The following SPTB variants were observed in gnomAD, a reference collection of about 807,000 sequenced individuals.
SPTB encodes spectrin beta, erythrocytic.
SPTB carries 45 observed loss-of-function variants against 256.2 expected under a neutral mutation model. The ratio of observed to expected loss-of-function variants is 0.18; its 90% CI spans 0.14 to 0.23. The LOEUF is 0.23. Among genes scored for constraint, SPTB ranks in the 10% least tolerant of loss-of-function variants. SPTB has a pLI of 1.00. For synonymous variants in SPTB, 1,231 were observed against 1,243.1 expected (o/e 0.99, Z 0.21); for missense variants, 2,715 against 3,040.4 (o/e 0.89, Z 2.52).
chr14:64,837,635 CT>C (rs2083545242), intron 1 of SPTB, among the ~76,000 whole-genome samples: 1 of 152,096 alleles, frequency 6.6e-6, no homozygotes, highest in Admixed American at 6.6e-5. Context: ...GAGTTTTGCT[CT>C]TGTTGCCCAG....
rs568506678 is a variant in SPTB at position 64,844,343 on chromosome 14, C to A, written c.-51-21198G>T. On this transcript the variant is annotated intron_variant, in intron 1 of 35. Transcript: ENST00000644917. This position sits in a 1 kb window ranked among gnomAD's most constrained non-coding sequence, Gnocchi z 4.1. ...ACACAATAGGAATTTATATCCCCAA[C>A]AACAGACATTTGTAGAATACCATCA... is the stretch of plus-strand genomic sequence containing the variant. Among the ~76,000 whole-genome samples, 27 of 152,346 alleles carry A rather than the reference C, an allele frequency of 1.8e-4. No homozygotes were observed. The South Asian group carries it at 5.2e-3, about 29-fold the overall frequency.
intron 32 of SPTB, among the ~76,000 whole-genome samples, chr14:64,763,274 AG>A (rs1423032856): frequency 6.6e-6 from 1 of 152,216 alleles, no homozygotes; most frequent in Non-Finnish European, 1.5e-5. Context: ...AGTCTGGAGC[AG>A]GTCTGCCTGC....
At chr14:64,814,687 T>C (rs2083156815) in intron 2 of SPTB, among the ~76,000 whole-genome samples, 1 of 151,998 alleles carries the variant, frequency 6.6e-6, no homozygotes, top group Non-Finnish European at 1.5e-5. Flanking sequence ...AGCTAATTTT[T>C]TGTATTTTTA....
At chr14:64,768,967 C>A (rs2082235199) in intron 29 of SPTB, 67 bp downstream of exon 29, 3 of 1,297,978 alleles carry the variant, frequency 2.3e-6, no homozygotes, top group Non-Finnish European at 3.3e-6. Context: ...ATTGTGGCAC[C>A]TCCCCATTCC....
Position 64,765,805 on chromosome 14 carries a change from GGT to G in SPTB, c.6345+919_6345+920del, listed in dbSNP as rs71444677. Among the ~76,000 whole-genome samples the G allele has an allele frequency of 1.4e-4, 21 of 149,012 alleles. 1 individual carries two copies. The highest frequency in any genetic ancestry group is 4.3e-4 in the South Asian group (2 of 4,630). ...TGGGATGGGACAGCTGAGTGATTGG[GGT>G]GTGTGTGTGTGTGAGTGTGTGTGTG... On this transcript the variant is annotated intron_variant, in intron 32 of 35. Coordinates refer to ENST00000644917, the MANE Select transcript of SPTB (RefSeq NM_001355436.2).
rs1006821867 is a variant in SPTB, at chr14:64,790,392, T to C, written c.2804+1327A>G. ...AGACCTGCTCTAGTTTCCTCAATTATGCAGCAATTGCAATAATCTCTACCA... is the reference window on the plus strand; with the variant it reads ...AGACCTGCTCTAGTTTCCTCAATTACGCAGCAATTGCAATAATCTCTACCA... On this transcript the variant is annotated intron_variant, in intron 15 of 35. Transcript: ENST00000644917. This position sits in a 1 kb window ranked among gnomAD's most constrained non-coding sequence, Gnocchi z 4.8. Among the ~76,000 whole-genome samples, 6 of 152,186 alleles carry C rather than the reference T, an allele frequency of 3.9e-5. No homozygotes were observed. The highest frequency in any genetic ancestry group is 6.5e-5 in the Admixed American group (1 of 15,280).
chr14:64,839,244 G>A (rs1275337233), intron 1 of SPTB, among the ~76,000 whole-genome samples: 1 of 152,210 alleles, frequency 6.6e-6, no homozygotes, highest in East Asian at 1.9e-4. Flanking sequence ...CTACTACTCA[G>A]TGGTAAAAAG....
intron 20 of SPTB, among the ~76,000 whole-genome samples, chr14:64,780,829 A>G (rs1292147892): frequency 2.6e-5 from 4 of 152,268 alleles, no homozygotes; most frequent in African/African-American, 7.2e-5. Context: ...AGATTATACT[A>G]CAAGGCTACA....
intron 20 of SPTB, 92 bp downstream of exon 20, chr14:64,782,198 C>G (rs1462869391): frequency 6.3e-7 from 1 of 1,577,756 alleles, no homozygotes; most frequent in African/African-American, 1.3e-5. Flanking sequence ...TTCACATGTA[C>G]CCCCAAACCT....
intron 2 of SPTB, among the ~76,000 whole-genome samples, chr14:64,810,919 T>C (rs781677736): frequency 7.2e-5 from 11 of 152,136 alleles, no homozygotes; most frequent in Non-Finnish European, 1.5e-4. Flanking sequence ...AGTTTGAGAC[T>C]AGCCTGGCAA....
intron 3 of SPTB, 42 bp downstream of exon 3, chr14:64,804,897 G>A: frequency 6.2e-7 from 1 of 1,612,524 alleles, no homozygotes; most frequent in Non-Finnish European, 8.5e-7. Flanking sequence ...GCTGAAGAGG[G>A]GCCGATGGCA....
At chr14:64,829,816 C>T (rs1177480478) in intron 1 of SPTB, among the ~76,000 whole-genome samples, 2 of 152,180 alleles carry the variant, frequency 1.3e-5, no homozygotes, top group African/African-American at 4.8e-5. Flanking sequence ...CAACCCCTTC[C>T]CATGGTCCTA....
chr14:64,767,443 C>A (rs1173786860), intron 30 of SPTB, 91 bp from the exon 31 acceptor site: 10 of 1,547,936 alleles, frequency 6.5e-6, no homozygotes, highest in Middle Eastern at 1.7e-4. Flanking sequence ...CCTGCACCCC[C>A]ACATGCCCTG....
At chr14:64,868,257 A>G (rs1882313171) in intron 1 of SPTB, among the ~76,000 whole-genome samples, 1 of 152,244 alleles carries the variant, frequency 6.6e-6, no homozygotes, top group African/African-American at 2.4e-5. Flanking sequence ...AAATTAAAAG[A>G]AAGAAACTAA....
At chr14:64,829,367 G>C (rs2083416204) in intron 1 of SPTB, among the ~76,000 whole-genome samples, 1 of 152,170 alleles carries the variant, frequency 6.6e-6, no homozygotes, top group Non-Finnish European at 1.5e-5. Flanking sequence ...AATCAAGAGA[G>C]ACTCAGGAGA....
At chr14:64,838,762 T>G (rs2083562503) in intron 1 of SPTB, among the ~76,000 whole-genome samples, 1 of 152,094 alleles carries the variant, frequency 6.6e-6, no homozygotes, top group South Asian at 2.1e-4. Context: ...ACATACCATA[T>G]TTACCATATG....
At chr14:64,872,464 G>T (rs1882586712) in intron 1 of SPTB, among the ~76,000 whole-genome samples, 1 of 152,088 alleles carries the variant, frequency 6.6e-6, no homozygotes, top group Non-Finnish European at 1.5e-5. Context: ...ATCCCAACAA[G>T]TCACTCCCCT....
rs1340056358 is a variant in SPTB, at chr14:64,764,900, G to A, written c.6345+1826C>T. Among the ~76,000 whole-genome samples the A allele has an allele frequency of 2.0e-5, 3 of 152,128 alleles. No homozygotes were observed. The highest frequency in any genetic ancestry group is 2.9e-5 in the Non-Finnish European group (2 of 68,020). On this transcript the variant is annotated intron_variant, in intron 32 of 35. Transcript: ENST00000644917. This position sits in a 1 kb window ranked among gnomAD's most constrained non-coding sequence, Gnocchi z 4.2. ...CCCCACATGCGATGACGGGAGCTTC[G>A]GAGGGAACTTCTGGGAGAGACCCTT...
At chr14:64,842,491 A>G (rs1425513786) in intron 1 of SPTB, among the ~76,000 whole-genome samples, 1 of 152,216 alleles carries the variant, frequency 6.6e-6, no homozygotes, top group Non-Finnish European at 1.5e-5. Context: ...TGGGAGCCCT[A>G]GGCCATTTAC....
Sources: gnomAD v4.1 joint callset for allele counts (sites outside exome capture counted in the v4.1 genomes callset) on GRCh38, gnomAD v4.1.1 for gene constraint, Gnocchi (gnomAD v3.1) non-coding constraint, MANE v1.5 for transcripts, NCBI Gene and HGNC (gene_info 2026-07-23, HGNC 2026-07-21) for gene names.